Variants in KCNIP4 observed in about 807,000 individuals in gnomAD.
The protein encoded by KCNIP4 is Kv channel-interacting protein 4.
A neutral mutation model predicts 34.0 loss-of-function variants in KCNIP4; 12 were observed. The ratio of observed to expected loss-of-function variants is 0.35; its 90% CI spans 0.23 to 0.57. KCNIP4 has a LOEUF of 0.57. Among genes scored for constraint, KCNIP4 ranks in the 20% least tolerant of loss-of-function variants. The pLI is 0.83. For synonymous variants in KCNIP4, 124 were observed against 102.2 expected (o/e 1.21, Z -1.29); for missense variants, 238 against 311.7 (o/e 0.76, Z 1.78).
At chr4:21,536,780 C>CAA (rs1219647701) in intron 1 of KCNIP4, among the ~76,000 whole-genome samples, 1 of 127,916 alleles carries the variant, frequency 7.8e-6, no homozygotes, top group Non-Finnish European at 1.7e-5. Flanking sequence ...GACTCTGTTT[C>CAA]AAAAAAAAAA....
At chr4:21,766,686 C>T (rs1269186573) in intron 1 of KCNIP4, among the ~76,000 whole-genome samples, 1 of 152,112 alleles carries the variant, frequency 6.6e-6, no homozygotes, top group Non-Finnish European at 1.5e-5. Context: ...ATTATCATCT[C>T]ATTTTATATA....
chr4:21,402,638 C>G (rs1393077836), intron 1 of KCNIP4, among the ~76,000 whole-genome samples: 1 of 152,140 alleles, frequency 6.6e-6, no homozygotes, highest in Non-Finnish European at 1.5e-5. Flanking sequence ...ATGAAACCTT[C>G]AGCATGAAAC....
At chr4:21,756,795 A>G (rs1717559097) in intron 1 of KCNIP4, among the ~76,000 whole-genome samples, 1 of 151,422 alleles carries the variant, frequency 6.6e-6, no homozygotes, top group South Asian at 2.1e-4. Context: ...CAAATGTAAA[A>G]CTCGCTTTTA....
chr4:21,788,416 A>C (rs1376135534), intron 1 of KCNIP4, among the ~76,000 whole-genome samples: 1 of 152,240 alleles, frequency 6.6e-6, no homozygotes, highest in African/African-American at 2.4e-5. Context: ...GTTCTAATCA[A>C]TTACTTTAAC....
In KCNIP4 at chr4:20,892,620, C is replaced by A. The variant is rs556260320; in HGVS notation, c.62-9911G>T. 5.0e-4 allele frequency among the ~76,000 whole-genome samples: 76 copies of A among 152,254 alleles called. 1 individual carries two copies. In the South Asian group the frequency reaches 0.015, roughly 29 times the overall value. On this transcript the variant is annotated intron_variant, in intron 1 of 8. Coordinates refer to ENST00000382152, the MANE Select transcript of KCNIP4 (RefSeq NM_025221.6). ...GCAGGGTCCTATTTAATCTTCTTTA[C>A]CTTGGTGTTGACTGTGTTCTTAACA...
At chr4:21,372,695 G>T (rs893520218) in intron 1 of KCNIP4, among the ~76,000 whole-genome samples, 1 of 146,458 alleles carries the variant, frequency 6.8e-6, no homozygotes, top group Non-Finnish European at 1.5e-5. Context: ...ATGTTGAAAG[G>T]TATCTAGCAA....
intron 1 of KCNIP4, among the ~76,000 whole-genome samples, chr4:20,997,450 T>C (rs1737657830): frequency 6.6e-6 from 1 of 152,218 alleles, no homozygotes; most frequent in African/African-American, 2.4e-5. Flanking sequence ...TGGTGAAACA[T>C]GTTGGACGTA....
chr4:21,277,421 A>G (rs1444915766), intron 1 of KCNIP4, among the ~76,000 whole-genome samples: 1 of 152,240 alleles, frequency 6.6e-6, no homozygotes, highest in Non-Finnish European at 1.5e-5. Context: ...TTAAAAATAT[A>G]TTTGATACCC....
At chr4:21,360,882 C>T (rs1303975548) in intron 1 of KCNIP4, among the ~76,000 whole-genome samples, 1 of 152,046 alleles carries the variant, frequency 6.6e-6, no homozygotes, top group East Asian at 1.9e-4. Context: ...GGCCAGGTGT[C>T]AATATTCCCC....
chr4:21,700,351 T>C (rs1396213757), intron 1 of KCNIP4, among the ~76,000 whole-genome samples: 1 of 152,192 alleles, frequency 6.6e-6, no homozygotes, highest in African/African-American at 2.4e-5. Flanking sequence ...TGTTGAATGT[T>C]TTTTCAGGAA....
chr4:21,649,683 C>A (rs186056932), intron 1 of KCNIP4, among the ~76,000 whole-genome samples: 2 of 152,190 alleles, frequency 1.3e-5, no homozygotes, highest in Non-Finnish European at 2.9e-5. Flanking sequence ...TTTGCAAATG[C>A]CTGTATTTCT....
intron 1 of KCNIP4, among the ~76,000 whole-genome samples, chr4:21,535,846 A>T (rs1332382128): frequency 6.6e-6 from 1 of 152,142 alleles, no homozygotes; most frequent in Non-Finnish European, 1.5e-5. Context: ...GATTATCTAG[A>T]TCAACAATCC....
intron 1 of KCNIP4, among the ~76,000 whole-genome samples, chr4:21,176,111 A>C (rs1754390697): frequency 6.6e-6 from 1 of 152,218 alleles, no homozygotes; most frequent in Admixed American, 6.5e-5. Context: ...AGACAAGGTA[A>C]AGCTAAGATT....
rs12651545 is a variant in KCNIP4, at chr4:20,737,106, G to C, written c.430-2371C>G. On this transcript the variant is annotated intron_variant, in intron 5 of 8. Transcript: ENST00000382152. ...TGTGGCAACTGGATCACCATACTTA[G>C]TTTGCTTCCCATTGGCATGAAGGGT... Among the ~76,000 whole-genome samples, 354 of 152,254 alleles carry C rather than the reference G, an allele frequency of 2.3e-3. 8 individuals are homozygous for C. The South Asian group carries it at 0.046, about 20-fold the overall frequency.
chr4:20,872,631 G>T (rs1490285051), intron 2 of KCNIP4, among the ~76,000 whole-genome samples: 1 of 152,042 alleles, frequency 6.6e-6, no homozygotes, highest in Non-Finnish European at 1.5e-5. Context: ...TGGAAAATAG[G>T]TTGTATAGCT....
chr4:21,943,108 C>T (rs1448658057), intron 1 of KCNIP4, among the ~76,000 whole-genome samples: 1 of 152,084 alleles, frequency 6.6e-6, no homozygotes, highest in Non-Finnish European at 1.5e-5. Flanking sequence ...ACTAGAGGTA[C>T]AAAAATTAGT....
At chr4:21,069,379 A>T (rs150611027) in intron 1 of KCNIP4, among the ~76,000 whole-genome samples, 2 of 152,298 alleles carry the variant, frequency 1.3e-5, no homozygotes, top group African/African-American at 4.8e-5. Context: ...ACAATGCTGA[A>T]GGTTTTGAGT....
At chr4:21,213,734 G>T (rs1757384354) in intron 1 of KCNIP4, among the ~76,000 whole-genome samples, 1 of 152,194 alleles carries the variant, frequency 6.6e-6, no homozygotes. Flanking sequence ...GAAACACAGA[G>T]AAATGGTTTG....
intron 1 of KCNIP4, among the ~76,000 whole-genome samples, chr4:21,593,518 G>C (rs554731817): frequency 1.3e-5 from 2 of 152,052 alleles, no homozygotes; most frequent in East Asian, 3.9e-4. Flanking sequence ...CCCGGACCTG[G>C]CACAAACACG....
Sources: allele counts gnomAD v4.1 joint callset (sites outside exome capture counted in the v4.1 genomes callset), GRCh38; gene constraint gnomAD v4.1.1; transcripts MANE v1.5; gene names NCBI Gene and HGNC (gene_info 2026-07-23, HGNC 2026-07-21).